WDR70: variants seen among roughly 807,000 people sequenced by gnomAD.
WDR70 encodes the protein WD repeat domain 70.
A neutral mutation model predicts 88.6 loss-of-function variants in WDR70; 53 were observed. That is an observed-to-expected ratio of 0.60 (90% CI 0.48 to 0.75). The LOEUF (loss-of-function observed/expected upper bound fraction) is 0.75. Ranked by LOEUF, WDR70 falls within the 30% of genes least tolerant of loss-of-function variation. The probability of loss-of-function intolerance (pLI) is 0.00; values close to 1 mark genes in which losing one functional copy is unlikely to be tolerated. For missense variants in WDR70, 610 were observed against 823.2 expected, an observed-to-expected ratio of 0.74 and a Z score of 3.17; for synonymous variants, 280 against 270.0, an observed-to-expected ratio of 1.04 and a Z score of -0.36.
intron 9 of WDR70, among the ~76,000 whole-genome samples, chr5:37,537,858 G>A (rs753104737): frequency 1.3e-5 from 2 of 152,112 alleles, no homozygotes; most frequent in African/African-American, 4.8e-5. Flanking sequence ...ATGGATTGTC[G>A]AGAACAACTA....
At chr5:37,562,055 G>GT (rs1270844850) in intron 9 of WDR70, among the ~76,000 whole-genome samples, 1 of 152,006 alleles carries the variant, frequency 6.6e-6, no homozygotes, top group South Asian at 2.1e-4. Context: ...ATTTTTCTTT[G>GT]TTTTTTAAAA....
intron 10 of WDR70, among the ~76,000 whole-genome samples, chr5:37,628,571 G>A (rs1228935330): frequency 1.3e-5 from 2 of 152,198 alleles, no homozygotes; most frequent in East Asian, 3.9e-4. Flanking sequence ...AATACTTTCA[G>A]TTTAAGTGTG....
intron 10 of WDR70, among the ~76,000 whole-genome samples, chr5:37,621,956 G>A (rs1744516483): frequency 6.6e-6 from 1 of 152,130 alleles, no homozygotes; most frequent in Non-Finnish European, 1.5e-5. Flanking sequence ...TGGCTAGCCA[G>A]TTTTCCCAGC....
chr5:37,602,884 G>A (rs912314770), intron 9 of WDR70, among the ~76,000 whole-genome samples: 1 of 152,128 alleles, frequency 6.6e-6, no homozygotes, highest in Non-Finnish European at 1.5e-5. Context: ...GGCTGAGGCA[G>A]GAGAATTGCT....
At chr5:37,525,256 G>A (rs1162798797) in intron 9 of WDR70, among the ~76,000 whole-genome samples, 1 of 152,130 alleles carries the variant, frequency 6.6e-6, no homozygotes, top group African/African-American at 2.4e-5. Flanking sequence ...AAATGTAAAA[G>A]AACAGAAATT....
chr5:37,486,458 C>A (rs1318810379), intron 8 of WDR70, among the ~76,000 whole-genome samples: 8 of 151,682 alleles, frequency 5.3e-5, no homozygotes, highest in African/African-American at 1.9e-4. Flanking sequence ...ATTCTCCTGC[C>A]TCAGCATCCT....
At chr5:37,402,329 T>TGTGTGTGTGTGTGTA (rs59326032) in intron 5 of WDR70, among the ~76,000 whole-genome samples, 29 of 147,694 alleles carry the variant, frequency 2.0e-4, no homozygotes, top group African/African-American at 6.5e-4. Context: ...GTGTGTGTGT[T>TGTGTGTGTGTGTGTA]TTAAATTTTT....
chr5:37,443,729 T>C (rs35743749), intron 7 of WDR70, among the ~76,000 whole-genome samples: 131,082 of 151,874 alleles, frequency 0.86, 59,778 homozygotes, highest in East Asian at 1. Context: ...GGCGCATGCC[T>C]GTAATCCAGC....
chr5:37,664,017 A>G (rs1332097832), intron 10 of WDR70, among the ~76,000 whole-genome samples: 1 of 152,156 alleles, frequency 6.6e-6, no homozygotes, highest in Non-Finnish European at 1.5e-5. Context: ...TATATTTGCA[A>G]CATCCACTTC....
chr5:37,603,464 T>C (rs573491400), intron 9 of WDR70, among the ~76,000 whole-genome samples: 1 of 152,302 alleles, frequency 6.6e-6, no homozygotes, highest in Non-Finnish European at 1.5e-5. Flanking sequence ...CAACTCAAGA[T>C]GGATTAAAGA....
At position 37,381,726 on chromosome 5, in the gene WDR70, C is replaced by T; in HGVS notation, c.175+41C>T. 2.6e-6 allele frequency: 4 copies of T among 1,564,428 alleles called. 1 individual carries two copies. In the East Asian group the frequency reaches 6.9e-5, roughly 27 times the overall value. The stretch of plus-strand genomic sequence containing the variant: ...ATTTGTTCTTTTATTGGTTTAAGTA[C>T]TATGTATACCTCATGCAAGTATATT... On this transcript the variant is annotated intron_variant, in intron 3 of 17. Transcript: ENST00000265107.
Position 37,514,356 on chromosome 5 carries a change from A to ATATATATATATATATATATG in WDR70, c.841-2155_841-2154insATATATATATATATATGTAT, listed in dbSNP as rs771375976. Among the ~76,000 whole-genome samples the ATATATATATATATATATATG allele has an allele frequency of 8.5e-4, 46 of 54,406 alleles. 1 individual carries two copies. The highest frequency in any genetic ancestry group is 7.5e-3 in the East Asian group (14 of 1,858). The allele number at this position is 54,406 out of a possible 152,430, so 35.7% of individuals were successfully genotyped here. A position where few individuals can be genotyped will look rare whatever the true frequency, so the allele number is the denominator to read the frequency against. Reference sequence around the variant, plus strand: ...TAGAACTACATATATATATATATATATATGTATGTATGTATGTTTATGTAT... The same window carrying ATATATATATATATATATATG: ...TAGAACTACATATATATATATATATATATATATATATATATATATGTATGTATGTATGTATGTTTATGTAT... On this transcript the variant is annotated intron_variant, in intron 8 of 17. Transcript: ENST00000265107.
chr5:37,694,868 C>G (rs1425277941), intron 10 of WDR70, among the ~76,000 whole-genome samples: 1 of 140,306 alleles, frequency 7.1e-6, no homozygotes, highest in East Asian at 2.0e-4. Flanking sequence ...AATAATAAAG[C>G]AAGTTTAGTC....
chr5:37,539,402 G>A (rs11952015), intron 9 of WDR70, among the ~76,000 whole-genome samples: 90,640 of 151,962 alleles, frequency 0.6, 28,383 homozygotes, highest in Non-Finnish European at 0.69. Context: ...AGACACCAGG[G>A]ATGCACAGCC....
intron 5 of WDR70, among the ~76,000 whole-genome samples, chr5:37,408,734 T>C (rs1749431574): frequency 6.6e-6 from 1 of 152,152 alleles, no homozygotes; most frequent in South Asian, 2.1e-4. Context: ...TTTGGGTCTT[T>C]TTAGCCATTG....
intron 13 of WDR70, among the ~76,000 whole-genome samples, chr5:37,709,016 A>G (rs1747437577): frequency 6.6e-6 from 1 of 152,216 alleles, no homozygotes. Flanking sequence ...GTTTCTAGAA[A>G]TAAAGGAGTC....
intron 10 of WDR70, among the ~76,000 whole-genome samples, chr5:37,644,214 A>T (rs1745176888): frequency 6.7e-6 from 1 of 149,942 alleles, no homozygotes; most frequent in African/African-American, 2.5e-5. Flanking sequence ...AATTTTATCA[A>T]ATGCTTTTTC....
chr5:37,597,927 A>AT, intron 9 of WDR70, among the ~76,000 whole-genome samples: 1 of 152,352 alleles, frequency 6.6e-6, no homozygotes, highest in Non-Finnish European at 1.5e-5. Flanking sequence ...GGTGGTAGAC[A>AT]TTGTCCTTCA....
At chr5:37,444,336 C>CTTTTTTTTTTTTTTTTT (rs70978817) in intron 7 of WDR70, among the ~76,000 whole-genome samples, 1 of 94,204 alleles carries the variant, frequency 1.1e-5, no homozygotes, top group East Asian at 3.5e-4. Flanking sequence ...CAGCCTTTCT[C>CTTTTTTTTTTTTTTTTT]TTTTTTTTTT....
Sources: gnomAD v4.1 joint callset for allele counts (sites outside exome capture counted in the v4.1 genomes callset) on GRCh38, gnomAD v4.1.1 for gene constraint, MANE v1.5 for transcripts, NCBI Gene and HGNC (gene_info 2026-07-23, HGNC 2026-07-21) for gene names.